Variants in PPARGC1A observed in about 807,000 individuals in gnomAD.
PPARGC1A encodes the protein peroxisome proliferator-activated receptor gamma coactivator 1-alpha.
In PPARGC1A, 25 loss-of-function variants were observed where a neutral mutation model predicts 88.7. The observed-to-expected ratio is 0.28, with a 90% CI of 0.21 to 0.39. The LOEUF (loss-of-function observed/expected upper bound fraction) is 0.39. Among genes scored for constraint, PPARGC1A ranks in the 10% least tolerant of loss-of-function variants. The probability of loss-of-function intolerance (pLI) is 1.00; values close to 1 mark genes in which losing one functional copy is unlikely to be tolerated. For missense variants in PPARGC1A, 880 were observed against 968.7 expected, an observed-to-expected ratio of 0.91 and a Z score of 1.22; for synonymous variants, 363 against 355.6, an observed-to-expected ratio of 1.02 and a Z score of -0.24.
chr4:24,266,837 C>G, the PPARGC1A span, among the ~76,000 whole-genome samples: 1 of 152,264 alleles, frequency 6.6e-6, no homozygotes, highest in South Asian at 2.1e-4. Flanking sequence ...TTCCACAACA[C>G]TAAATTGAAA....
the PPARGC1A span, among the ~76,000 whole-genome samples, chr4:24,089,513 TC>T: frequency 0.014 from 482 of 35,620 alleles, 27 homozygotes; most frequent in African/African-American, 0.025. Context: ...TTCTTTTCTT[TC>T]TTTTTTTTTT....
At chr4:23,999,377 G>C in the PPARGC1A span, among the ~76,000 whole-genome samples, 73 of 152,236 alleles carry the variant, frequency 4.8e-4, no homozygotes, top group African/African-American at 1.7e-3. Context: ...TCATTAACTT[G>C]GTCTCCTTTC....
chr4:24,119,141 C>A, the PPARGC1A span, among the ~76,000 whole-genome samples: 6 of 152,102 alleles, frequency 3.9e-5, no homozygotes, highest in Non-Finnish European at 8.8e-5. Flanking sequence ...GTGAGGGAGC[C>A]TCTTTTGTCA....
chr4:24,449,451 T>G, the PPARGC1A span, among the ~76,000 whole-genome samples: 4 of 152,374 alleles, frequency 2.6e-5, no homozygotes, highest in Admixed American at 2.6e-4. Flanking sequence ...CTTCTCACTT[T>G]CAGAAATTAT....
At chr4:24,223,661 A>G in the PPARGC1A span, among the ~76,000 whole-genome samples, 2 of 152,250 alleles carry the variant, frequency 1.3e-5, no homozygotes, top group African/African-American at 4.8e-5. Context: ...TATGAAAGCA[A>G]TGATGCATCT....
At chr4:24,345,383 G>T in the PPARGC1A span, among the ~76,000 whole-genome samples, 1 of 151,912 alleles carries the variant, frequency 6.6e-6, no homozygotes, top group African/African-American at 2.4e-5. Flanking sequence ...GATTCTACCC[G>T]TCCATGACCA....
At chr4:24,262,126 C>G in the PPARGC1A span, among the ~76,000 whole-genome samples, 43,634 of 151,954 alleles carry the variant, frequency 0.29, 6,917 homozygotes, top group East Asian at 0.45. Context: ...CACGCACCCC[C>G]CGCCCCATAA....
Position 23,814,556 on chromosome 4 carries a change from A to C in PPARGC1A, c.927T>G (p.Pro309=), listed in dbSNP as rs970076899. ...TPPHKANQDN[P]FRASPKLKSS... ...ACTTCAGCTTTGGAGAAGCCCTAAA[A>C]GGGTTATCTTGGTTGGCTTTATGAG... is the stretch of plus-strand genomic sequence containing the variant. The change falls in exon 8 of 13, where the codon CCT becomes CCG. Residue 309 remains proline (P), a synonymous_variant. Transcript: ENST00000264867. 6.2e-7 allele frequency: 1 copy of C among 1,611,720 alleles called. No individual in the cohort carries two copies. The highest frequency in any genetic ancestry group is 1.3e-5 in the African/African-American group (1 of 74,450).
the PPARGC1A span, among the ~76,000 whole-genome samples, chr4:24,171,894 C>A: frequency 6.6e-6 from 1 of 152,252 alleles, no homozygotes; most frequent in Non-Finnish European, 1.5e-5. Context: ...TACTTAGATA[C>A]TGCATGGGAA....
At chr4:23,985,720 T>C in the PPARGC1A span, among the ~76,000 whole-genome samples, 1 of 151,974 alleles carries the variant, frequency 6.6e-6, no homozygotes, top group African/African-American at 2.4e-5. Flanking sequence ...AAGAGAACAT[T>C]GAGATGTTTC....
the PPARGC1A span, among the ~76,000 whole-genome samples, chr4:24,470,582 G>C: frequency 9.9e-4 from 150 of 152,156 alleles, no homozygotes; most frequent in Middle Eastern, 6.9e-3. The surrounding 1 kb of genome is among the most constrained non-coding windows in gnomAD (Gnocchi z 5.8). Context: ...AGTAGCTCCT[G>C]CAAGTTTCTA....
chr4:23,927,059 G>T, the PPARGC1A span, among the ~76,000 whole-genome samples: 1 of 152,200 alleles, frequency 6.6e-6, no homozygotes, highest in Non-Finnish European at 1.5e-5. Context: ...AGTCAAAAAT[G>T]CATTTAATAC....
chr4:24,337,976 C>T, the PPARGC1A span, among the ~76,000 whole-genome samples: 2 of 152,188 alleles, frequency 1.3e-5, no homozygotes, highest in African/African-American at 2.4e-5. Flanking sequence ...GCTTTCCTAC[C>T]TTCTGCTCCT....
chr4:23,845,413 A>T (rs1229650324), intron 2 of PPARGC1A, among the ~76,000 whole-genome samples: 1 of 152,130 alleles, frequency 6.6e-6, no homozygotes, highest in Non-Finnish European at 1.5e-5. Context: ...TGACACTTGG[A>T]TCTATATGGT....
chr4:23,863,198 C>G (rs1447460760), intron 2 of PPARGC1A, among the ~76,000 whole-genome samples: 1 of 152,106 alleles, frequency 6.6e-6, no homozygotes, highest in East Asian at 1.9e-4. Flanking sequence ...CCATCACCCC[C>G]TAATTCAAGC....
chr4:23,904,014 A>T, upstream of PPARGC1A: 4 of 974,510 alleles, frequency 4.1e-6, no homozygotes, highest in Non-Finnish European at 4.9e-6. Context: ...GAATCCATAG[A>T]TGATAACCCC....
At chr4:24,244,684 G>A in the PPARGC1A span, among the ~76,000 whole-genome samples, 1 of 152,174 alleles carries the variant, frequency 6.6e-6, no homozygotes, top group African/African-American at 2.4e-5. Context: ...AATGTCTACA[G>A]GCATCTTTGG....
the PPARGC1A span, among the ~76,000 whole-genome samples, chr4:24,400,465 C>T: frequency 6.6e-6 from 1 of 152,174 alleles, no homozygotes; most frequent in Non-Finnish European, 1.5e-5. Flanking sequence ...CTCCTTGCTC[C>T]TCAGCTTGCA....
chr4:24,110,577 G>C, the PPARGC1A span, among the ~76,000 whole-genome samples: 2 of 152,154 alleles, frequency 1.3e-5, no homozygotes, highest in African/African-American at 4.8e-5. Flanking sequence ...TGGGGACACA[G>C]CAAGAAACAC....
Sources: allele counts gnomAD v4.1 joint callset (sites outside exome capture counted in the v4.1 genomes callset), GRCh38; gene constraint gnomAD v4.1.1; non-coding constraint Gnocchi (gnomAD v3.1); transcripts MANE v1.5; gene names NCBI Gene and HGNC (gene_info 2026-07-23, HGNC 2026-07-21).